The following WT1 variants were observed in gnomAD, a reference collection of about 807,000 sequenced individuals.
The protein encoded by WT1 is WT1 transcription factor.
Under a neutral mutation model 60.8 loss-of-function variants are expected in WT1, and 8 were observed. The observed-to-expected ratio is 0.13, with a 90% CI of 0.08 to 0.24. The LOEUF (loss-of-function observed/expected upper bound fraction) is 0.24, where lower values mean the gene tolerates loss of function less well. Among genes scored for constraint, WT1 ranks in the 10% least tolerant of loss-of-function variants. The pLI, the probability that WT1 is intolerant of heterozygous loss-of-function variation, is 1.00. For missense variants in WT1, 568 were observed against 711.8 expected (o/e 0.80, Z 2.30); for synonymous variants, 312 against 297.1 (o/e 1.05, Z -0.52).
chr11:32,430,794 G>T (rs952738499), intron 1 of WT1: 3 of 1,318,360 alleles, frequency 2.3e-6, no homozygotes, highest in Non-Finnish European at 2.9e-6. Flanking sequence ...GGTCCCCCCG[G>T]GAGGGGCAGT....
At chr11:32,412,028 T>C (rs1852517018) in intron 5 of WT1, among the ~76,000 whole-genome samples, 1 of 152,188 alleles carries the variant, frequency 6.6e-6, no homozygotes. Flanking sequence ...CATCTCAGGC[T>C]CCGGGAGCCA....
intron 1 of WT1, 100 bp downstream of exon 1, chr11:32,434,600 A>G: frequency 6.3e-7 from 1 of 1,580,774 alleles, no homozygotes. Flanking sequence ...CAGCTGGGTA[A>G]GAGCTGCGGT....
At position 32,435,470 on chromosome 11, in the gene WT1, G is replaced by C. The variant is rs886048241; in HGVS notation, c.-110C>G. On this transcript the variant is annotated 5_prime_UTR_variant, in exon 1 of 10. Transcript: ENST00000452863. ...GAGGGAGGGCGGGAAGTGGGGGAGC[G>C]GACAGGCGGTCGGGTTGCGGAGAGC... 1 of 1,436,396 alleles carries C rather than the reference G, an allele frequency of 7.0e-7. No individual in the cohort carries two copies. 89.0% of individuals were successfully genotyped at this position (1,436,396 alleles called of 1,614,324 possible).
At position 32,388,041 on chromosome 11, in the gene WT1, C is replaced by T. The variant is rs1851708302; in HGVS notation, c.*1017G>A. Reference sequence around the variant, plus strand: ...ACACACACACACACACACACACGACCATCTTTAAACAATGGATTTCCTCAC... The same window carrying T: ...ACACACACACACACACACACACGACTATCTTTAAACAATGGATTTCCTCAC... On this transcript the variant is annotated 3_prime_UTR_variant, in exon 10 of 10. Coordinates refer to ENST00000452863, the MANE Select transcript of WT1 (RefSeq NM_024426.6). 4.2e-6 allele frequency: 1 copy of T among 235,756 alleles called. No homozygotes were observed. The highest frequency in any genetic ancestry group is 5.7e-5 in the Admixed American group (1 of 17,634). 14.6% of individuals were successfully genotyped at this position (235,756 alleles called of 1,614,324 possible). A position where few individuals can be genotyped will look rare whatever the true frequency, so the allele number is the denominator to read the frequency against.
chr11:32,434,502 G>A (rs1853419984), intron 1 of WT1, among the ~76,000 whole-genome samples, 198 bp downstream of exon 1: 1 of 152,224 alleles, frequency 6.6e-6, no homozygotes, highest in Non-Finnish European at 1.5e-5. Context: ...GGCTTTGGAG[G>A]ATGTCGGGGG....
chr11:32,432,454 C>T (rs2133093686), intron 1 of WT1, among the ~76,000 whole-genome samples: 1 of 152,360 alleles, frequency 6.6e-6, no homozygotes, highest in Non-Finnish European at 1.5e-5. Flanking sequence ...GAGCGCTTCT[C>T]ACATCCAAGC....
chr11:32,425,654 C>G (rs1853010484), intron 3 of WT1, among the ~76,000 whole-genome samples: 1 of 152,132 alleles, frequency 6.6e-6, no homozygotes, highest in Non-Finnish European at 1.5e-5. Context: ...AAGATCCAGA[C>G]AGCACAAATT....
chr11:32,434,800 A>C lies in WT1; in HGVS notation c.561T>G (p.Pro187=). The change falls in exon 1 of 10, where the codon CCT becomes CCG. Residue 187 remains proline, a synonymous_variant. Transcript: ENST00000452863. ...CGGATGACGCCTGGCTGGGCGGAGG[A>C]GGACCGAAGGGCCCGTAGCGACAGG... 1 of 1,612,552 alleles carries C rather than the reference A, an allele frequency of 6.2e-7. No individual in the cohort carries two copies. The highest frequency in any genetic ancestry group is 8.5e-7 in the Non-Finnish European group (1 of 1,179,786).
intron 6 of WT1, among the ~76,000 whole-genome samples, chr11:32,399,140 A>G (rs1356245119): frequency 1.4e-5 from 2 of 147,198 alleles, no homozygotes; most frequent in Non-Finnish European, 3.0e-5. Flanking sequence ...TGGGTGACAG[A>G]GCGAGACTCC....
intron 1 of WT1, among the ~76,000 whole-genome samples, chr11:32,429,457 A>G (rs3858447): frequency 0.54 from 72,884 of 135,326 alleles, 21,915 homozygotes; most frequent in African/African-American, 0.81. Context: ...GGGAAATCCT[A>G]GCATTCCCCC....
At position 32,389,408 on chromosome 11, in the gene WT1, C is replaced by A. The variant is rs5030312; in HGVS notation, c.1448-229G>T. Among the ~76,000 whole-genome samples, 143 of 152,274 alleles carry A rather than the reference C, an allele frequency of 9.4e-4. 7 individuals carry two copies. In the South Asian group the frequency reaches 0.028, roughly 29 times the overall value. On this transcript the variant is annotated intron_variant, in intron 9 of 9. Coordinates refer to ENST00000452863, the MANE Select transcript of WT1 (RefSeq NM_024426.6). ...AAAGTTATATTCTTAGGTCAGAAAA[C>A]TTGGAAAGTGGGAGATAAAGAATGA...
intron 5 of WT1, 75 bp from the exon 6 acceptor site, chr11:32,400,119 G>C: frequency 6.5e-7 from 1 of 1,540,750 alleles, no homozygotes; most frequent in Non-Finnish European, 8.9e-7. Context: ...CTGCAATCAG[G>C]AGGGAATGAT....
Position 32,389,051 on chromosome 11 carries a change from A to G in WT1, c.*7T>C, listed in dbSNP as rs2132896790. 2 of 1,614,208 alleles carry G rather than the reference A, an allele frequency of 1.2e-6. No homozygotes were observed. The highest frequency in any genetic ancestry group is 2.2e-5 in the South Asian group (2 of 91,086). On this transcript the variant is annotated 3_prime_UTR_variant, in exon 10 of 10. Transcript: ENST00000452863. ...TGGGACACTGAACGGTCCCCGAGGG[A>G]GACCCCTCAAAGCGCCAGCTGGAGT...
chr11:32,405,528 A>G (rs1205708431), intron 5 of WT1, among the ~76,000 whole-genome samples: 3 of 149,038 alleles, frequency 2.0e-5, no homozygotes, highest in Non-Finnish European at 4.4e-5. Flanking sequence ...TATATGTTGA[A>G]TATATAAATA....
At chr11:32,426,978 T>G (rs1006475028) in intron 3 of WT1, among the ~76,000 whole-genome samples, 7 of 151,786 alleles carry the variant, frequency 4.6e-5, no homozygotes, top group African/African-American at 1.7e-4. Context: ...ATGACCTCAC[T>G]ACCTCCTTCC....
chr11:32,399,985 T>C lies in WT1; in HGVS notation c.1076A>G (p.Tyr359Cys), dbSNP rs773532792. The C allele has an allele frequency of 1.2e-6, 2 of 1,614,184 alleles. No homozygotes were observed. Among genetic ancestry groups the C allele is most frequent in the Non-Finnish European group, 1.7e-6 (2 of 1,180,028 alleles). ...GAAGACACCGTGCGTGTGTATTCTG[T>C]ATTGGGCTCCGCAGAGGATGGGCGT... The change falls in exon 6 of 10, where the codon TAC (tyrosine) becomes TGC (cysteine). Residue 359 changes from tyrosine (Y) to cysteine (C), a missense_variant. Around this residue, in one of 3 missense-constraint regions of WT1, gnomAD observed 523 missense variants for 565.1 expected, o/e 0.93. Transcript: ENST00000452863.
intron 1 of WT1, 55 bp downstream of exon 1, chr11:32,434,645 G>A: frequency 1.2e-6 from 2 of 1,611,112 alleles, no homozygotes; most frequent in African/African-American, 1.3e-5. Flanking sequence ...TCCTAGAGCG[G>A]AGAGTCCCTG....
At chr11:32,432,230 G>A (rs1464183564) in intron 1 of WT1, among the ~76,000 whole-genome samples, 1 of 152,194 alleles carries the variant, frequency 6.6e-6, no homozygotes, top group Non-Finnish European at 1.5e-5. Context: ...CTGCCCTAGG[G>A]ATCCAGAGAC....
Position 32,419,690 on chromosome 11 carries a change from G to T in WT1, c.888-2036C>A, listed in dbSNP as rs749874696. 2.0e-5 allele frequency among the ~76,000 whole-genome samples: 3 copies of T among 152,168 alleles called. No individual in the cohort carries two copies. In the East Asian group the frequency reaches 5.8e-4, roughly 29 times the overall value. On this transcript the variant is annotated intron_variant, in intron 3 of 9. Transcript: ENST00000452863. ...TCTCTGTAAGGAAGTACCCCAAAGA[G>T]AAAATAAACATTTTTTTCCGTTAGA...
Sources: allele counts gnomAD v4.1 joint callset (sites outside exome capture counted in the v4.1 genomes callset), GRCh38; gene constraint gnomAD v4.1.1; regional missense constraint gnomAD v4.1.1; transcripts MANE v1.5; gene names NCBI Gene and HGNC (gene_info 2026-07-23, HGNC 2026-07-21).